The following ALDH1A2 variants were observed in gnomAD, a reference collection of about 807,000 sequenced individuals.
ALDH1A2 encodes the protein retinal dehydrogenase 2.
ALDH1A2 carries 27 observed loss-of-function variants against 60.3 expected under a neutral mutation model. The observed-to-expected ratio is 0.45, with a 90% confidence interval of 0.33 to 0.62. The LOEUF (loss-of-function observed/expected upper bound fraction) is 0.62, where lower values mean the gene tolerates loss of function less well. ALDH1A2 is among the 20% of genes least tolerant of loss of function. The probability of loss-of-function intolerance (pLI) is 0.02; values close to 1 mark genes in which losing one functional copy is unlikely to be tolerated. For missense variants in ALDH1A2, 581 were observed against 643.8 expected (o/e 0.90, Z 1.06); for synonymous variants, 289 against 232.4 (o/e 1.24, Z -2.21).
At chr15:57,980,636 G>A (rs144485837) in intron 7 of ALDH1A2, 90 of 203,358 alleles carry the variant, frequency 4.4e-4, no homozygotes, top group East Asian at 3.8e-3. Flanking sequence ...GTTGAACTGC[G>A]TGGAACTCAT....
intron 12 of ALDH1A2, among the ~76,000 whole-genome samples, chr15:57,958,216 A>G (rs200082586): frequency 5.0e-5 from 4 of 80,250 alleles, no homozygotes; most frequent in East Asian, 2.6e-4. Flanking sequence ...ACACGCACGC[A>G]CACACACACA....
rs1893810668 is a variant in ALDH1A2 at position 57,963,928 on chromosome 15, A to G, written c.1043T>C (p.Val348Ala). ...GGTGGGGTCAAAGGGACTCCCCACT[A>G]CGCGCCTCTTGGCCCGCTCCACGCT... ...RRSVERAKRR[V>A]VGSPFDPTTE... Residue 348 changes from valine to alanine, a missense_variant, in exon 9 of 13, where the codon GTA (valine) becomes GCA (alanine). Coordinates refer to ENST00000249750, the MANE Select transcript of ALDH1A2 (RefSeq NM_003888.4). 1 of 1,614,152 alleles carries G rather than the reference A, an allele frequency of 6.2e-7. No individual in the cohort carries two copies. The highest frequency in any genetic ancestry group is 8.5e-7 in the Non-Finnish European group (1 of 1,180,004).
At chr15:57,965,671 GA>G in intron 8 of ALDH1A2, 53 bp downstream of exon 8, 2 of 1,277,296 alleles carry the variant, frequency 1.6e-6, no homozygotes, top group South Asian at 2.4e-5. Flanking sequence ...AGATATAAAA[GA>G]GAGCACCAAA....
intron 7 of ALDH1A2, among the ~76,000 whole-genome samples, chr15:57,973,966 T>C (rs1029200102): frequency 5.3e-5 from 8 of 152,312 alleles, no homozygotes; most frequent in Non-Finnish European, 8.8e-5. Context: ...CCCTTCTCTC[T>C]CTCTCTCTCA....
At chr15:58,004,792 A>G (rs181145830) in intron 4 of ALDH1A2, among the ~76,000 whole-genome samples, 1,786 of 149,188 alleles carry the variant, frequency 0.012, 19 homozygotes, top group South Asian at 0.021. Context: ...TTTATTTACA[A>G]TAGCCCCTCC....
At chr15:57,999,216 A>G (rs1409975249) in intron 4 of ALDH1A2, among the ~76,000 whole-genome samples, 2 of 152,146 alleles carry the variant, frequency 1.3e-5, no homozygotes, top group African/African-American at 2.4e-5. Context: ...TAATTAAACA[A>G]AAGAGCTTCT....
In ALDH1A2 at chr15:57,962,156, G is replaced by C. The variant is rs1411458398; in HGVS notation, c.1107C>G (p.Asn369Lys). Reference sequence around the variant, plus strand: ...CACTCTGGATGAGTTCCAAGATCTTGTTGTACTGTTTCTTATCAATCTGTG... The same window carrying C: ...CACTCTGGATGAGTTCCAAGATCTTCTTGTACTGTTTCTTATCAATCTGTG... ...QGPQIDKKQY[N>K]KILELIQSGV... Residue 369 changes from asparagine to lysine, a missense_variant, in exon 10 of 13, where the codon AAC becomes AAG. Around this residue, in one of 2 missense-constraint regions of ALDH1A2, gnomAD observed 375 missense variants for 469.7 expected, o/e 0.80. Coordinates refer to ENST00000249750, the MANE Select transcript of ALDH1A2 (RefSeq NM_003888.4). The C allele has an allele frequency of 2.4e-5, 39 of 1,614,142 alleles. No individual in the cohort carries two copies. The highest frequency in any genetic ancestry group is 1.5e-4 in the South Asian group (14 of 91,082).
At chr15:58,051,581 C>T (rs1896779911) in intron 1 of ALDH1A2, among the ~76,000 whole-genome samples, 1 of 152,060 alleles carries the variant, frequency 6.6e-6, no homozygotes, top group African/African-American at 2.4e-5. Context: ...AATTCCTCTA[C>T]AAGAAAAACT....
At chr15:58,057,394 T>C (rs746267549) in intron 1 of ALDH1A2, among the ~76,000 whole-genome samples, 18 of 152,260 alleles carry the variant, frequency 1.2e-4, no homozygotes, top group Non-Finnish European at 2.5e-4. Flanking sequence ...ATGTATTATT[T>C]ATGGATACAT....
At chr15:58,016,954 T>C (rs1172966581) in intron 1 of ALDH1A2, among the ~76,000 whole-genome samples, 1 of 152,108 alleles carries the variant, frequency 6.6e-6, no homozygotes, top group Non-Finnish European at 1.5e-5. Flanking sequence ...CTGCCCATAA[T>C]GGGATAAAGA....
chr15:58,015,183 G>C (rs4646582), intron 1 of ALDH1A2, among the ~76,000 whole-genome samples: 64,017 of 152,028 alleles, frequency 0.42, 14,529 homozygotes, highest in Non-Finnish European at 0.52. Flanking sequence ...TGAAATTTCT[G>C]AACTTATGAA....
In ALDH1A2 at chr15:58,003,639, T is replaced by C. The variant is rs539617115; in HGVS notation, c.493+7010A>G. Among the ~76,000 whole-genome samples the C allele has an allele frequency of 1.1e-4, 16 of 151,914 alleles. No individual in the cohort carries two copies. In the East Asian group the frequency reaches 1.6e-3, roughly 15 times the overall value. On this transcript the variant is annotated intron_variant, in intron 4 of 12. Transcript: ENST00000249750. ...GAGAAAAATCTAAGGCAATACAAATTAACTTCCATTTCTCCCTAAGTAAAT... is the reference window on the plus strand; with the variant it reads ...GAGAAAAATCTAAGGCAATACAAATCAACTTCCATTTCTCCCTAAGTAAAT...
At chr15:57,969,651 T>C (rs1893998434) in intron 7 of ALDH1A2, among the ~76,000 whole-genome samples, 1 of 152,212 alleles carries the variant, frequency 6.6e-6, no homozygotes, top group Non-Finnish European at 1.5e-5. Context: ...TACCAAGTCC[T>C]ATTCTGATGA....
At chr15:57,968,727 T>C (rs1421311997) in intron 7 of ALDH1A2, among the ~76,000 whole-genome samples, 5 of 152,220 alleles carry the variant, frequency 3.3e-5, no homozygotes, top group African/African-American at 4.8e-5. Context: ...GAGTAAATAT[T>C]TGGGGTTGGC....
At chr15:57,959,095 G>C (rs924426513) in intron 12 of ALDH1A2, among the ~76,000 whole-genome samples, 1 of 152,120 alleles carries the variant, frequency 6.6e-6, no homozygotes, top group East Asian at 1.9e-4. Flanking sequence ...CCCACAATGA[G>C]GGACCATGGA....
intron 4 of ALDH1A2, 62 bp downstream of exon 4, chr15:58,010,586 TG>T: frequency 6.2e-7 from 1 of 1,600,998 alleles, no homozygotes; most frequent in South Asian, 1.1e-5. Flanking sequence ...TTGTGTTTGG[TG>T]GCCAAAGCGC....
chr15:57,964,289 C>A (rs1278576513), intron 8 of ALDH1A2: 3 of 564,988 alleles, frequency 5.3e-6, no homozygotes, highest in Non-Finnish European at 9.5e-6. Flanking sequence ...TCTTATTCTG[C>A]AAACAGAGGT....
intron 1 of ALDH1A2, among the ~76,000 whole-genome samples, chr15:58,016,342 C>A (rs1427533709): frequency 6.6e-6 from 1 of 151,984 alleles, no homozygotes; most frequent in Non-Finnish European, 1.5e-5. Flanking sequence ...CGGGGTTTCA[C>A]CTTGTTGGCC....
chr15:57,996,096 G>C (rs1450954031), intron 4 of ALDH1A2, among the ~76,000 whole-genome samples: 1 of 151,998 alleles, frequency 6.6e-6, no homozygotes, highest in Non-Finnish European at 1.5e-5. Flanking sequence ...AAAACACTCA[G>C]CTAATATTCA....
Sources: allele counts gnomAD v4.1 joint callset (sites outside exome capture counted in the v4.1 genomes callset), GRCh38; gene constraint gnomAD v4.1.1; regional missense constraint gnomAD v4.1.1; transcripts MANE v1.5; gene names NCBI Gene and HGNC (gene_info 2026-07-23, HGNC 2026-07-21).